ARHGEF28: variants seen among roughly 807,000 people sequenced by gnomAD.
ARHGEF28 encodes the protein Rho guanine nucleotide exchange factor 28.
ARHGEF28 carries 152 observed loss-of-function variants against 206.6 expected under a neutral mutation model. The ratio of observed to expected loss-of-function variants is 0.74; its 90% CI spans 0.64 to 0.84. The LOEUF is 0.84. ARHGEF28 is among the 40% of genes least tolerant of loss of function. The probability of loss-of-function intolerance (pLI) is 0.00; values close to 1 mark genes in which losing one functional copy is unlikely to be tolerated. For synonymous variants in ARHGEF28, 763 were observed against 776.4 expected (o/e 0.98, Z 0.29); for missense variants, 2,028 against 2,073.2 (o/e 0.98, Z 0.42).
At chr5:73,648,276 A>C (rs999817137) in intron 1 of ARHGEF28, among the ~76,000 whole-genome samples, 6 of 152,162 alleles carry the variant, frequency 3.9e-5, no homozygotes, top group Non-Finnish European at 7.4e-5. Flanking sequence ...GTGTCTGGGA[A>C]ATCCATATTT....
chr5:73,627,278 A>G (rs1743069858), intron 1 of ARHGEF28: 1 of 152,182 alleles, frequency 6.6e-6, no homozygotes, highest in Non-Finnish European at 1.5e-5. Flanking sequence ...AATTGGGCAA[A>G]ATCCAAAGAA....
Position 73,886,063 on chromosome 5 carries a change from A to G in ARHGEF28, c.3269A>G (p.Asp1090Gly). The G allele has an allele frequency of 6.2e-7, 1 of 1,613,680 alleles. No homozygotes were observed. The highest frequency in any genetic ancestry group is 2.2e-5 in the East Asian group (1 of 44,866). Residue 1090 changes from aspartate to glycine, a missense_variant, in exon 25 of 36, where the codon GAT becomes GGT. Physicochemically the swap from Asp to Gly is moderately conservative, Grantham distance 94. Coordinates refer to ENST00000513042, the MANE Select transcript of ARHGEF28 (RefSeq NM_001177693.2). The part of the protein sequence containing the change: ...LMSEERTLLY[D>G]GLVYWKTATG... Reference sequence around the variant, plus strand: ...AGTGAAGAAAGGACTCTGTTATATGATGGCCTTGTTTACTGGAAAACTGCT... The same window carrying G: ...AGTGAAGAAAGGACTCTGTTATATGGTGGCCTTGTTTACTGGAAAACTGCT...
chr5:73,843,730 T>C (rs1162354672), intron 11 of ARHGEF28, among the ~76,000 whole-genome samples: 1 of 152,180 alleles, frequency 6.6e-6, no homozygotes, highest in Non-Finnish European at 1.5e-5. Context: ...ATTATTTAAA[T>C]GTAATAACTG....
Position 73,830,560 on chromosome 5 carries a change from GAA to G in ARHGEF28, c.1025-1762_1025-1761del, listed in dbSNP as rs57559151. 4.5e-3 allele frequency among the ~76,000 whole-genome samples: 572 copies of G among 127,200 alleles called. 8 individuals carry two copies. Among genetic ancestry groups the G allele is most frequent in the East Asian group, 0.034 (147 of 4,292 alleles). The allele number at this position is 127,200 out of a possible 152,430, so 83.4% of individuals were successfully genotyped here. A position where few individuals can be genotyped will look rare whatever the true frequency, so the allele number is the denominator to read the frequency against. On this transcript the variant is annotated intron_variant, in intron 9 of 35. Transcript: ENST00000513042. ...AGAGCGAAACTCCATCTCAAAAAAA[GAA>G]AAAAAAAAAAAAAAAGAAAATGTTT...
chr5:73,880,345 C>G (rs1050524642), intron 22 of ARHGEF28, among the ~76,000 whole-genome samples: 9 of 152,188 alleles, frequency 5.9e-5, no homozygotes, highest in Non-Finnish European at 1.3e-4. Context: ...CTTTCCTTGA[C>G]CAGGAAAGGG....
chr5:73,744,467 CT>C (rs1357864769), intron 2 of ARHGEF28, among the ~76,000 whole-genome samples: 5 of 150,910 alleles, frequency 3.3e-5, no homozygotes, highest in African/African-American at 7.3e-5. Flanking sequence ...ACCATGCATG[CT>C]TTTTTTTTCT....
At chr5:73,939,056 C>T (rs1561211961) in intron 35 of ARHGEF28, among the ~76,000 whole-genome samples, 4 of 151,522 alleles carry the variant, frequency 2.6e-5, no homozygotes, top group African/African-American at 9.7e-5. Context: ...GATGGCCAAG[C>T]CATTTTCAGC....
intron 21 of ARHGEF28, 36 bp from the exon 22 acceptor site, chr5:73,872,963 G>A (rs1760202456): frequency 1.3e-6 from 2 of 1,593,646 alleles, no homozygotes. Flanking sequence ...GCTTTTTAAA[G>A]CTTGTTTAAG....
intron 2 of ARHGEF28, among the ~76,000 whole-genome samples, chr5:73,704,838 G>A (rs1352695746): frequency 6.6e-6 from 1 of 152,096 alleles, no homozygotes; most frequent in African/African-American, 2.4e-5. Context: ...TTTGTGATTG[G>A]CCGTGATGGC....
chr5:73,922,553 T>C (rs1274915855), intron 35 of ARHGEF28, among the ~76,000 whole-genome samples: 2 of 152,254 alleles, frequency 1.3e-5, no homozygotes, highest in Non-Finnish European at 2.9e-5. Flanking sequence ...TTAACTATGA[T>C]GGATTTTTTT....
At chr5:73,807,036 GTT>G (rs35751176) in intron 9 of ARHGEF28, among the ~76,000 whole-genome samples, 7,965 of 132,038 alleles carry the variant, frequency 0.06, 291 homozygotes, top group African/African-American at 0.11. Context: ...CATGTAAGAG[GTT>G]TTTTTTTTTT....
At chr5:73,817,296 T>C (rs1205062215) in intron 9 of ARHGEF28, among the ~76,000 whole-genome samples, 1 of 152,258 alleles carries the variant, frequency 6.6e-6, no homozygotes, top group African/African-American at 2.4e-5. Flanking sequence ...AGGCAATGCA[T>C]ACCAGAAAGC....
chr5:73,748,962 T>C lies in ARHGEF28; in HGVS notation c.34-875T>C, dbSNP rs184718971. Reference sequence around the variant, plus strand: ...GCTGCTGTAGCCCCTCCGCAAAGCCTCAGGATGATGAAATACCCGAGAGCC... The same window carrying C: ...GCTGCTGTAGCCCCTCCGCAAAGCCCCAGGATGATGAAATACCCGAGAGCC... On this transcript the variant is annotated intron_variant, in intron 2 of 35. Transcript: ENST00000513042. Among the ~76,000 whole-genome samples the C allele has an allele frequency of 1.2e-3, 186 of 152,246 alleles. 1 individual carries two copies. Among genetic ancestry groups the C allele is most frequent in the African/African-American group, 4.2e-3 (173 of 41,550 alleles).
chr5:73,688,816 G>A (rs1747629109), intron 2 of ARHGEF28, among the ~76,000 whole-genome samples: 1 of 152,152 alleles, frequency 6.6e-6, no homozygotes, highest in Non-Finnish European at 1.5e-5. Context: ...ACCACGTTCA[G>A]CTAATTTTTT....
rs951465164 is a variant in ARHGEF28 at position 73,909,838 on chromosome 5, C to T, written c.4588C>T (p.His1530Tyr). The change falls in exon 34 of 36, where the codon CAC becomes TAC. Residue 1530 changes from histidine (H) to tyrosine (Y), a missense_variant. Coordinates refer to ENST00000513042, the MANE Select transcript of ARHGEF28 (RefSeq NM_001177693.2). ...RMRAQQSLLG[H>Y]WKHGRQRSLP... ...GCGGGCCCAGCAGAGCCTGCTGGGC[C>T]ACTGGAAGCACGGCCGGCAGAGGAG... The T allele has an allele frequency of 6.5e-7, 1 of 1,539,424 alleles. No individual in the cohort carries two copies. The highest frequency in any genetic ancestry group is 1.4e-5 in the African/African-American group (1 of 72,546).
chr5:73,680,680 TA>T (rs902523388), intron 1 of ARHGEF28, among the ~76,000 whole-genome samples: 21 of 151,414 alleles, frequency 1.4e-4, no homozygotes, highest in Middle Eastern at 3.2e-3. Flanking sequence ...AAATAAAAAT[TA>T]AAAAAAAATT....
rs747870987 is a variant in ARHGEF28 at position 73,771,162 on chromosome 5, T to A, written c.476-2693T>A. Among the ~76,000 whole-genome samples the A allele has an allele frequency of 1.1e-4, 17 of 152,238 alleles. 1 individual carries two copies. The highest frequency in any genetic ancestry group is 1.6e-4 in the Non-Finnish European group (11 of 68,048). On this transcript the variant is annotated intron_variant, in intron 4 of 35. Transcript: ENST00000513042. ...AAAAGGTTTAGATGTTCCCTTTTGA[T>A]CATTTTTTTGGGAGGGGAAAGAAAA... is the stretch of plus-strand genomic sequence containing the variant.
intron 35 of ARHGEF28, among the ~76,000 whole-genome samples, chr5:73,922,648 G>A (rs748060830): frequency 8.6e-5 from 13 of 152,010 alleles, no homozygotes; most frequent in Admixed American, 6.6e-5. Context: ...TGTATATTGT[G>A]TTGTCTTTAT....
intron 27 of ARHGEF28, 48 bp from the exon 28 acceptor site, chr5:73,893,149 T>A: frequency 7.0e-7 from 1 of 1,422,942 alleles, no homozygotes. Context: ...AATCTACAGA[T>A]ACTTGCATTT....
Sources: allele counts gnomAD v4.1 joint callset (sites outside exome capture counted in the v4.1 genomes callset), GRCh38; gene constraint gnomAD v4.1.1; transcripts MANE v1.5; gene names NCBI Gene and HGNC (gene_info 2026-07-23, HGNC 2026-07-21).